The following CARD6 variants were observed in gnomAD, a reference collection of about 807,000 sequenced individuals.
CARD6 encodes caspase recruitment domain-containing protein 6.
CARD6 carries 27 observed loss-of-function variants against 23.6 expected under a neutral mutation model. The observed-to-expected ratio is 1.14, with a 90% CI of 0.84 to 1.58. The LOEUF (loss-of-function observed/expected upper bound fraction) is 1.58. Among genes scored for constraint, CARD6 ranks in the 40% most tolerant of loss-of-function variants. CARD6 has a pLI of 0.00. For synonymous variants in CARD6, 397 were observed against 431.8 expected (o/e 0.92, Z 1.00); for missense variants, 1,214 against 1,209.9 (o/e 1.00, Z -0.05).
rs1745906986 is a variant in CARD6, at chr5:40,843,273, T to A, written c.405T>A (p.Ser135Arg). ...PEAPEITVFF[S>R]EKEHLDLETS... ...CCCCTGAGATCACAGTGTTCTTCAG[T>A]GAGAAGGAACACTTGGATTTGGAAA... Residue 135 changes from serine (S) to arginine (R), a missense_variant, in exon 2 of 3, where the codon AGT becomes AGA. By Grantham distance (110) the Ser-to-Arg change is moderately radical (BLOSUM62 -1). Transcript: ENST00000254691. The A allele has an allele frequency of 4.3e-6, 7 of 1,613,888 alleles. No individual in the cohort carries two copies. The highest frequency in any genetic ancestry group is 1.3e-5 in the African/African-American group (1 of 74,900).
Position 40,853,081 on chromosome 5 carries a change from C to T in CARD6, c.1749C>T (p.Leu583=). The part of the protein sequence containing the change: ...EAAIERCYFV[L]SSQARESEEA... Reference sequence around the variant, plus strand: ...CCATTGAAAGATGCTACTTTGTTCTCAGTTCCCAAGCCAGGGAGAGTGAAG... The same window carrying T: ...CCATTGAAAGATGCTACTTTGTTCTTAGTTCCCAAGCCAGGGAGAGTGAAG... The change falls in exon 3 of 3, where the codon CTC becomes CTT. Residue 583 remains leucine, a synonymous_variant. Transcript: ENST00000254691. 1 of 1,614,114 alleles carries T rather than the reference C, an allele frequency of 6.2e-7. No homozygotes were observed. The highest frequency in any genetic ancestry group is 1.3e-5 in the African/African-American group (1 of 75,036).
chr5:40,851,137 A>G (rs1746058154), intron 2 of CARD6, among the ~76,000 whole-genome samples: 1 of 151,720 alleles, frequency 6.6e-6, no homozygotes, highest in Non-Finnish European at 1.5e-5. Context: ...GTTCGAGACC[A>G]GCCTGGCCAA....
intron 2 of CARD6, among the ~76,000 whole-genome samples, 193 bp downstream of exon 2, chr5:40,843,902 A>G (rs1482798167): frequency 6.6e-6 from 1 of 152,226 alleles, no homozygotes; most frequent in Non-Finnish European, 1.5e-5. Context: ...CCCAGGACCT[A>G]GGAAATGATG....
At chr5:40,848,528 T>C (rs1387989785) in intron 2 of CARD6, among the ~76,000 whole-genome samples, 1 of 152,240 alleles carries the variant, frequency 6.6e-6, no homozygotes, top group East Asian at 1.9e-4. Flanking sequence ...AAAATTCTTA[T>C]ATGCTAAATC....
At position 40,854,403 on chromosome 5, in the gene CARD6, C is replaced by T. The variant is rs779557903; in HGVS notation, c.3071C>T (p.Ala1024Val). Residue 1024 changes from alanine to valine, a missense_variant, in exon 3 of 3, where the codon GCA becomes GTA. Physicochemically the swap from Ala to Val is moderately conservative, Grantham distance 64. Coordinates refer to ENST00000254691, the MANE Select transcript of CARD6 (RefSeq NM_032587.4). Reference protein sequence around the residue: ...SSSTNPSQAKAHHSKAGQKRG... With the variant: ...SSSTNPSQAKVHHSKAGQKRG... The stretch of plus-strand genomic sequence containing the variant: ...TCAACCAATCCTTCACAAGCTAAGG[C>T]ACACCACTCAAAAGCAGGGCAGAAG... 1.9e-6 allele frequency: 3 copies of T among 1,614,170 alleles called. No homozygotes were observed. The East Asian group carries it at 6.7e-5, about 36-fold the overall frequency.
In CARD6 at chr5:40,853,572, T is replaced by C; in HGVS notation, c.2240T>C (p.Leu747Ser). ...GGAGGTAACTTTAACCATGTTTCCT[T>C]GAAAGCCTCCTGGGTTATGGGCCGC... Reference protein sequence around the residue: ...RIGGNFNHVSLKASWVMGRPF... With the variant: ...RIGGNFNHVSSKASWVMGRPF... Residue 747 changes from leucine (L) to serine (S), a missense_variant, in exon 3 of 3, where the codon TTG (leucine) becomes TCG (serine). Coordinates refer to ENST00000254691, the MANE Select transcript of CARD6 (RefSeq NM_032587.4). 2 of 1,614,204 alleles carry C rather than the reference T, an allele frequency of 1.2e-6. No homozygotes were observed. Among genetic ancestry groups the C allele is most frequent in the East Asian group, 4.5e-5 (2 of 44,884 alleles).
intron 2 of CARD6, 90 bp from the exon 3 acceptor site, chr5:40,852,084 G>A (rs1746075300): frequency 2.6e-6 from 2 of 765,690 alleles, no homozygotes; most frequent in South Asian, 1.9e-5. Flanking sequence ...TCCAGCCTAG[G>A]TGATGGAGTG....
chr5:40,854,253 C>T lies in CARD6; in HGVS notation c.2921C>T (p.Ser974Phe). 1.2e-6 allele frequency: 2 copies of T among 1,614,142 alleles called. No homozygotes were observed. Among genetic ancestry groups the T allele is most frequent in the Non-Finnish European group, 1.7e-6 (2 of 1,180,014 alleles). Residue 974 changes from serine to phenylalanine, a missense_variant, in exon 3 of 3, where the codon TCC (serine) becomes TTC (phenylalanine). Transcript: ENST00000254691. Reference sequence around the variant, plus strand: ...CAACCTAAATCCTCTCAGACAAAATCCTGTCAGTCCCAGCCCTCCCAAACT... The same window carrying T: ...CAACCTAAATCCTCTCAGACAAAATTCTGTCAGTCCCAGCCCTCCCAAACT... ...PSQPKSSQTK[S>F]CQSQPSQTKP...
At chr5:40,848,975 G>A (rs577526872) in intron 2 of CARD6, among the ~76,000 whole-genome samples, 6 of 151,850 alleles carry the variant, frequency 4.0e-5, no homozygotes, top group Admixed American at 2.0e-4. Context: ...TTACCTTGTC[G>A]ACACACCTGG....
chr5:40,851,743 G>T (rs1001973732), intron 2 of CARD6, among the ~76,000 whole-genome samples: 2 of 152,156 alleles, frequency 1.3e-5, no homozygotes, highest in African/African-American at 4.8e-5. Flanking sequence ...TTGAACCCAG[G>T]AGGTGGAGGT....
chr5:40,845,612 A>G (rs1388999566), intron 2 of CARD6, among the ~76,000 whole-genome samples: 1 of 152,136 alleles, frequency 6.6e-6, no homozygotes, highest in Non-Finnish European at 1.5e-5. Flanking sequence ...GCATAGTATC[A>G]TCATTATTCT....
At position 40,841,531 on chromosome 5, in the gene CARD6, T is replaced by C; in HGVS notation, c.149T>C (p.Val50Ala). ...SEEEYETLEN[V>A]TDLLKKSRKL... is the part of the protein sequence containing the mutation. ...GAAGAGTATGAGACTCTGGAGAATG[T>C]TACAGATCTCCTGAAGAAAAGTCGG... The change falls in exon 1 of 3, where the codon GTT (valine) becomes GCT (alanine). Residue 50 changes from valine (V) to alanine (A), a missense_variant. By Grantham distance (64) the Val-to-Ala change is moderately conservative. Coordinates refer to ENST00000254691, the MANE Select transcript of CARD6 (RefSeq NM_032587.4). The C allele has an allele frequency of 6.2e-7, 1 of 1,614,136 alleles. No homozygotes were observed. Among genetic ancestry groups the C allele is most frequent in the South Asian group, 1.1e-5 (1 of 91,086 alleles).
At chr5:40,850,507 G>C (rs1164569036) in intron 2 of CARD6, among the ~76,000 whole-genome samples, 1 of 148,046 alleles carries the variant, frequency 6.8e-6, no homozygotes, top group Non-Finnish European at 1.5e-5. Context: ...CTGAGCTCAG[G>C]AGTTCGAGAC....
chr5:40,846,768 G>A (rs1370954110), intron 2 of CARD6, among the ~76,000 whole-genome samples: 1 of 152,020 alleles, frequency 6.6e-6, no homozygotes, highest in Non-Finnish European at 1.5e-5. Context: ...CCCCCTCCAT[G>A]ACCTTATTTT....
intron 2 of CARD6, among the ~76,000 whole-genome samples, chr5:40,849,730 C>T (rs1288980991): frequency 6.6e-6 from 1 of 152,172 alleles, no homozygotes; most frequent in African/African-American, 2.4e-5. Flanking sequence ...AATCCCAACA[C>T]TTTGGGAGGC....
At chr5:40,849,931 G>A (rs2112173837) in intron 2 of CARD6, among the ~76,000 whole-genome samples, 1 of 151,906 alleles carries the variant, frequency 6.6e-6, no homozygotes, top group Non-Finnish European at 1.5e-5. Context: ...AGTGAGCTGA[G>A]ATTGCACCAC....
chr5:40,841,781 T>G (rs1745866387), intron 1 of CARD6, 116 bp downstream of exon 1: 1 of 869,218 alleles, frequency 1.2e-6, no homozygotes, highest in Non-Finnish European at 1.7e-6. Context: ...TTTCTGGAGA[T>G]AATTTTCATT....
chr5:40,850,411 C>T (rs1371115979), intron 2 of CARD6, among the ~76,000 whole-genome samples: 3 of 7,268 alleles, frequency 4.1e-4, no homozygotes, highest in Non-Finnish European at 6.4e-4. Context: ...GACACTCCAT[C>T]TCAAAAAAAA....
Position 40,853,410 on chromosome 5 carries a change from C to T in CARD6, c.2078C>T (p.Ser693Leu). Residue 693 changes from serine to leucine, a missense_variant, in exon 3 of 3, where the codon TCA becomes TTA. Physicochemically the swap from Ser to Leu is moderately radical, Grantham distance 145. Coordinates refer to ENST00000254691, the MANE Select transcript of CARD6 (RefSeq NM_032587.4). ...CAAAGACACAGTCAGCTAAAAAGCT[C>T]ATCTAAAAGCCAGGCTCTAATGCCA... is the stretch of plus-strand genomic sequence containing the variant. ...GQQRHSQLKS[S>L]SKSQALMPIQ... 3 of 1,614,132 alleles carry T rather than the reference C, an allele frequency of 1.9e-6. No individual in the cohort carries two copies. The highest frequency in any genetic ancestry group is 2.5e-6 in the Non-Finnish European group (3 of 1,180,026).
Sources: allele counts gnomAD v4.1 joint callset (sites outside exome capture counted in the v4.1 genomes callset), GRCh38; gene constraint gnomAD v4.1.1; transcripts MANE v1.5; gene names NCBI Gene and HGNC (gene_info 2026-07-23, HGNC 2026-07-21).